Variants in TENM4 observed in about 807,000 individuals in gnomAD.
TENM4 encodes teneurin transmembrane protein 4.
A neutral mutation model predicts 243.3 loss-of-function variants in TENM4; 82 were observed. The observed-to-expected ratio is 0.34, with a 90% CI of 0.28 to 0.40. TENM4 has a LOEUF of 0.40. Ranked by LOEUF, TENM4 falls within the 10% of genes least tolerant of loss-of-function variation. The pLI is 1.00. For missense variants in TENM4, 3,138 were observed against 3,673.3 expected, an observed-to-expected ratio of 0.85 and a Z score of 3.77; for synonymous variants, 1,412 against 1,456.3, an observed-to-expected ratio of 0.97 and a Z score of 0.69.
chr11:79,257,195 T>C (rs918984747), intron 2 of TENM4, among the ~76,000 whole-genome samples: 3 of 152,112 alleles, frequency 2.0e-5, no homozygotes, highest in African/African-American at 4.8e-5. Context: ...GAACTAGGCC[T>C]CAAGTATCAG....
intron 1 of TENM4, among the ~76,000 whole-genome samples, chr11:79,330,829 A>G (rs1037070488): frequency 6.6e-6 from 1 of 152,192 alleles, no homozygotes; most frequent in African/African-American, 2.4e-5. Context: ...GTGTCAGATG[A>G]CATTCTCAGC....
intron 6 of TENM4, among the ~76,000 whole-genome samples, chr11:78,942,513 G>C (rs943107329): frequency 2.0e-5 from 3 of 151,886 alleles, no homozygotes; most frequent in Admixed American, 6.6e-5. Context: ...TTTGTGTTGG[G>C]CCACATTCAA....
chr11:78,907,391 A>C (rs1856087721), intron 6 of TENM4, among the ~76,000 whole-genome samples: 1 of 152,076 alleles, frequency 6.6e-6, no homozygotes, highest in South Asian at 2.1e-4. Flanking sequence ...GCATTTATTG[A>C]ATGCCTATTC....
rs58787728 is a variant in TENM4, at chr11:78,760,818, C to T, written c.2540-3797G>A. On this transcript the variant is annotated intron_variant, in intron 18 of 33. Transcript: ENST00000278550. The stretch of plus-strand genomic sequence containing the variant: ...TCCTTAATTTCCATCTTTTTATCCG[C>T]GTTCTATCCTGATTTGTTTCTTCAA... 0.026 allele frequency among the ~76,000 whole-genome samples: 3,936 copies of T among 152,228 alleles called. 262 individuals carry two copies. The East Asian group carries it at 0.29, about 11-fold the overall frequency.
Position 79,440,165 on chromosome 11 carries a change from C to T in TENM4, c.-321+344G>A, listed in dbSNP as rs902864818. 6.6e-6 allele frequency among the ~76,000 whole-genome samples: 1 copy of T among 152,118 alleles called. No individual in the cohort carries two copies. The highest frequency in any genetic ancestry group is 1.5e-5 in the Non-Finnish European group (1 of 67,988). ...CAGGCGACCGGGCCGGGGCGGGGAA[C>T]GGGATCCGGGAGAGGCAGACGAACC... On this transcript the variant is annotated intron_variant, in intron 1 of 33. Coordinates refer to ENST00000278550, the MANE Select transcript of TENM4 (RefSeq NM_001098816.3). This position sits in a 1 kb window ranked among gnomAD's most constrained non-coding sequence, Gnocchi z 4.7.
intron 5 of TENM4, among the ~76,000 whole-genome samples, chr11:79,068,706 G>A (rs1035984378): frequency 5.3e-5 from 8 of 152,174 alleles, no homozygotes; most frequent in Non-Finnish European, 8.8e-5. Context: ...TGACCCAACA[G>A]GCATCAAAGA....
intron 12 of TENM4, among the ~76,000 whole-genome samples, chr11:78,832,510 T>C (rs771213735): frequency 2.0e-5 from 3 of 152,280 alleles, no homozygotes; most frequent in Non-Finnish European, 2.9e-5. Flanking sequence ...TCCATATTAA[T>C]AGAGTTGGGC....
At chr11:79,141,432 T>C (rs999212895) in intron 4 of TENM4, among the ~76,000 whole-genome samples, 9 of 152,062 alleles carry the variant, frequency 5.9e-5, no homozygotes, top group African/African-American at 2.2e-4. Flanking sequence ...CCTACAAATA[T>C]TAAACCATGA....
intron 5 of TENM4, among the ~76,000 whole-genome samples, chr11:79,066,190 CAG>C (rs1334612273): frequency 1.3e-5 from 2 of 152,166 alleles, no homozygotes; most frequent in African/African-American, 4.8e-5. Context: ...GGGAGATCCA[CAG>C]AGTGCTCTGG....
chr11:79,061,069 G>A (rs1278737474), intron 6 of TENM4, among the ~76,000 whole-genome samples: 1 of 152,178 alleles, frequency 6.6e-6, no homozygotes, highest in Non-Finnish European at 1.5e-5. Context: ...TTTTGTCATA[G>A]AGCCTGGCTC....
intron 6 of TENM4, among the ~76,000 whole-genome samples, chr11:78,989,632 T>C (rs978922384): frequency 1.3e-5 from 2 of 152,212 alleles, no homozygotes; most frequent in African/African-American, 4.8e-5. Context: ...ACAGCTCTAG[T>C]TCCTCTGCGC....
At chr11:78,829,894 C>G (rs1471232708) in intron 12 of TENM4, among the ~76,000 whole-genome samples, 1 of 152,180 alleles carries the variant, frequency 6.6e-6, no homozygotes, top group Non-Finnish European at 1.5e-5. Flanking sequence ...GGTGCGTGTA[C>G]TTTGTGACAA....
At chr11:78,919,476 T>C (rs1488449836) in intron 6 of TENM4, among the ~76,000 whole-genome samples, 1 of 152,174 alleles carries the variant, frequency 6.6e-6, no homozygotes, top group Non-Finnish European at 1.5e-5. Context: ...GGCAAATATG[T>C]GACTTTGGTC....
At position 79,164,549 on chromosome 11, in the gene TENM4, CTATATACTA is replaced by C. The variant is rs1182129685; in HGVS notation, c.-162-15752_-162-15744del. ...ATATACTATATAGTACTATATATAT[CTATATACTA>C]TATATACTATATACTATATATATAC... On this transcript the variant is annotated intron_variant, in intron 3 of 33. Transcript: ENST00000278550. Among the ~76,000 whole-genome samples, 7 of 141,122 alleles carry C rather than the reference CTATATACTA, an allele frequency of 5.0e-5. 1 individual carries two copies. In the South Asian group the frequency reaches 1.5e-3, roughly 31 times the overall value. 92.6% of individuals were successfully genotyped at this position (141,122 alleles called of 152,430 possible).
intron 6 of TENM4, among the ~76,000 whole-genome samples, chr11:79,060,577 T>C (rs1447839930): frequency 1.3e-5 from 2 of 152,164 alleles, no homozygotes; most frequent in Non-Finnish European, 2.9e-5. Flanking sequence ...CTGGTAAGGA[T>C]CTCTGAGAAC....
chr11:79,331,010 C>T (rs1029807198), intron 1 of TENM4, among the ~76,000 whole-genome samples: 2 of 152,174 alleles, frequency 1.3e-5, no homozygotes, highest in Admixed American at 6.5e-5. Flanking sequence ...GGGAACCAGA[C>T]GTTTCCCTCT....
intron 4 of TENM4, among the ~76,000 whole-genome samples, chr11:79,118,159 C>A (rs1054933646): frequency 1.3e-5 from 2 of 152,058 alleles, no homozygotes; most frequent in Non-Finnish European, 2.9e-5. Context: ...GGCATGAGAC[C>A]ACACATTTAG....
chr11:78,926,813 TGTGGTGAACACCA>T (rs1856563155), intron 6 of TENM4, among the ~76,000 whole-genome samples: 1 of 152,136 alleles, frequency 6.6e-6, no homozygotes, highest in African/African-American at 2.4e-5. Flanking sequence ...TGTTTTCTAA[TGTGGTGAACACCA>T]GTGATTAGGA....
intron 2 of TENM4, among the ~76,000 whole-genome samples, chr11:79,273,319 A>G (rs773617863): frequency 6.6e-6 from 1 of 152,224 alleles, no homozygotes; most frequent in Non-Finnish European, 1.5e-5. Context: ...CTTAAACTCA[A>G]TGACATTTGA....
Sources: allele counts gnomAD v4.1 joint callset (sites outside exome capture counted in the v4.1 genomes callset), GRCh38; gene constraint gnomAD v4.1.1; non-coding constraint Gnocchi (gnomAD v3.1); transcripts MANE v1.5; gene names NCBI Gene and HGNC (gene_info 2026-07-23, HGNC 2026-07-21).